Variants in KDM4B observed in about 807,000 individuals in gnomAD.
KDM4B encodes the protein lysine-specific demethylase 4B.
KDM4B carries 32 observed loss-of-function variants against 125.2 expected under a neutral mutation model. The observed-to-expected ratio is 0.26, with a 90% CI of 0.19 to 0.34. KDM4B has a LOEUF of 0.34. Among genes scored for constraint, KDM4B ranks in the 10% least tolerant of loss-of-function variants. The pLI is 1.00. For synonymous variants in KDM4B, 721 were observed against 677.9 expected, an observed-to-expected ratio of 1.06 and a Z score of -0.99; for missense variants, 1,190 against 1,577.7, an observed-to-expected ratio of 0.75 and a Z score of 4.16.
At chr19:5,062,234 G>T (rs528475361) in intron 6 of KDM4B, among the ~76,000 whole-genome samples, 1 of 152,378 alleles carries the variant, frequency 6.6e-6, no homozygotes, top group South Asian at 2.1e-4. Flanking sequence ...CGGGCTGTCT[G>T]TGTGTCCTGG....
intron 5 of KDM4B, among the ~76,000 whole-genome samples, chr19:5,043,245 G>T (rs1425370924): frequency 1.5e-5 from 2 of 131,418 alleles, no homozygotes; most frequent in African/African-American, 5.8e-5. Context: ...TCGGAGTGGG[G>T]TGTCCACCTT....
chr19:5,022,002 A>G (rs2036137344), intron 2 of KDM4B, among the ~76,000 whole-genome samples: 1 of 152,068 alleles, frequency 6.6e-6, no homozygotes, highest in South Asian at 2.1e-4. Flanking sequence ...TAGGCCCCCA[A>G]GCAGGGGCAA....
rs528541542 is a variant in KDM4B at position 5,062,631 on chromosome 19, C to G, written c.627-8379C>G. On this transcript the variant is annotated intron_variant, in intron 6 of 22. Coordinates refer to ENST00000159111, the MANE Select transcript of KDM4B (RefSeq NM_015015.3). ...GAGTGTTCTGTTAATGTTCTTTCTG[C>G]TGTAGAGGAAACCCTCTTTTTGTTG... 3.9e-5 allele frequency among the ~76,000 whole-genome samples: 6 copies of G among 152,126 alleles called. No homozygotes were observed. In the South Asian group the frequency reaches 1.2e-3, roughly 32 times the overall value.
chr19:5,111,928 T>C lies in KDM4B; in HGVS notation c.1115+1110T>C, dbSNP rs994634742. Reference sequence around the variant, plus strand: ...CTCATGATTTTTACATGCTACCAAATACGATAATTTTTCTGTTTTGAGCCA... The same window carrying C: ...CTCATGATTTTTACATGCTACCAAACACGATAATTTTTCTGTTTTGAGCCA... On this transcript the variant is annotated intron_variant, in intron 10 of 22. Transcript: ENST00000159111. The C allele has an allele frequency of 5.1e-5, 36 of 709,078 alleles. No individual in the cohort carries two copies. In the Middle Eastern group the frequency reaches 9.4e-4, roughly 18 times the overall value. The allele number at this position is 709,078 out of a possible 1,614,324, so 43.9% of individuals were successfully genotyped here. A position where few individuals can be genotyped will look rare whatever the true frequency, so the allele number is the denominator to read the frequency against.
rs1220409250 is a variant in KDM4B at position 5,114,377 on chromosome 19, C to A, written c.1115+3559C>A. ...CTCCTGCTCTGCCTTGGCCTGTCGC[C>A]CCTGCGCCAGTGCAGGACACCGCCA... On this transcript the variant is annotated intron_variant, in intron 10 of 22. Transcript: ENST00000159111. This position sits in a 1 kb window ranked among gnomAD's most constrained non-coding sequence, Gnocchi z 5.8. 3.4e-6 allele frequency: 2 copies of A among 585,680 alleles called. No individual in the cohort carries two copies. Among genetic ancestry groups the A allele is most frequent in the East Asian group, 6.7e-5 (1 of 14,858 alleles). The allele number at this position is 585,680 out of a possible 1,614,324, so 36.3% of individuals were successfully genotyped here.
intron 6 of KDM4B, among the ~76,000 whole-genome samples, chr19:5,069,498 C>T (rs1003778557): frequency 2.0e-5 from 3 of 151,576 alleles, no homozygotes; most frequent in East Asian, 2.0e-4. Flanking sequence ...TTCGTAGAGG[C>T]GGGGTTTCAC....
At chr19:5,088,012 CT>C (rs1185300469) in intron 9 of KDM4B, among the ~76,000 whole-genome samples, 27 of 152,330 alleles carry the variant, frequency 1.8e-4, no homozygotes, top group African/African-American at 6.0e-4. Context: ...CAGGAGGTTG[CT>C]TTCCCCTCAG....
At position 5,047,471 on chromosome 19, in the gene KDM4B, CA is replaced by C; in HGVS notation, c.433-4del. ...GGTTGCCGACGCTGCTCTGCCGCCCCACAGGACGTGGCCCAGTGGAACATCG... is the reference window on the plus strand; with the variant it reads ...GGTTGCCGACGCTGCTCTGCCGCCCCCAGGACGTGGCCCAGTGGAACATCG... On this transcript the variant is annotated splice_polypyrimidine_tract_variant and splice_region_variant and intron_variant, in intron 5 of 22. Transcript: ENST00000159111. 1 of 1,598,124 alleles carries C rather than the reference CA, an allele frequency of 6.3e-7. No individual in the cohort carries two copies. The highest frequency in any genetic ancestry group is 8.5e-7 in the Non-Finnish European group (1 of 1,169,808).
chr19:5,008,749 C>T (rs2035638380), intron 1 of KDM4B, among the ~76,000 whole-genome samples: 1 of 151,018 alleles, frequency 6.6e-6, no homozygotes, highest in African/African-American at 2.4e-5. Context: ...TACCACCACA[C>T]TTGGCTAATT....
intron 10 of KDM4B, 64 bp downstream of exon 10, chr19:5,110,882 C>A: frequency 7.3e-7 from 1 of 1,371,124 alleles, no homozygotes; most frequent in Non-Finnish European, 9.7e-7. Flanking sequence ...TGCTGGGTGG[C>A]CCAGGCCCCT....
In KDM4B at chr19:5,110,790, G is replaced by T; in HGVS notation, c.1087G>T (p.Ala363Ser). 1 of 1,597,372 alleles carries T rather than the reference G, an allele frequency of 6.3e-7. No individual in the cohort carries two copies. The highest frequency in any genetic ancestry group is 1.7e-5 in the Admixed American group (1 of 58,222). ...PELSSWSASRASLKAKLLRRS... is the reference protein window; with the variant it reads ...PELSSWSASRSSLKAKLLRRS... ...GCTGAGCTCCTGGAGTGCATCCCGG[G>T]CCTCGCTGAAGGCCAAGCTCCTCCG... The change falls in exon 10 of 23, where the codon GCC (alanine) becomes TCC (serine). Residue 363 changes from alanine (A) to serine (S), a missense_variant. By Grantham distance (99) the Ala-to-Ser change is moderately conservative (BLOSUM62 1). Around this residue, in one of 7 missense-constraint regions of KDM4B, gnomAD observed 428 missense variants for 405.1 expected, o/e 1.06. Transcript: ENST00000159111.
At position 5,143,954 on chromosome 19, in the gene KDM4B, T is replaced by G; in HGVS notation, c.2551-13T>G. Reference sequence around the variant, plus strand: ...CTCGAGCCCCATGCCCCTGCCTGTGTCCCCATCCCCAGAAATGCGTGTACT... The same window carrying G: ...CTCGAGCCCCATGCCCCTGCCTGTGGCCCCATCCCCAGAAATGCGTGTACT... On this transcript the variant is annotated splice_polypyrimidine_tract_variant and intron_variant, in intron 18 of 22. Transcript: ENST00000159111. 6.4e-7 allele frequency: 1 copy of G among 1,569,938 alleles called. No homozygotes were observed. Among genetic ancestry groups the G allele is most frequent in the Non-Finnish European group, 8.7e-7 (1 of 1,149,170 alleles).
At chr19:5,072,431 G>A (rs1455230801) in intron 7 of KDM4B, among the ~76,000 whole-genome samples, 2 of 152,074 alleles carry the variant, frequency 1.3e-5, no homozygotes, top group East Asian at 1.9e-4. Context: ...ATTTTTGAGC[G>A]TTTCTATTGG....
At chr19:5,107,704 A>G (rs564410398) in intron 9 of KDM4B, among the ~76,000 whole-genome samples, 1 of 152,270 alleles carries the variant, frequency 6.6e-6, no homozygotes, top group South Asian at 2.1e-4. Flanking sequence ...GGTGGCTCGC[A>G]GTGGGGGCTG....
At chr19:5,068,934 C>T (rs187427260) in intron 6 of KDM4B, among the ~76,000 whole-genome samples, 4 of 152,342 alleles carry the variant, frequency 2.6e-5, no homozygotes, top group Admixed American at 6.5e-5. Flanking sequence ...GCTGGGGATA[C>T]GGCATTAATC....
intron 3 of KDM4B, among the ~76,000 whole-genome samples, chr19:5,037,569 C>T (rs1028775751): frequency 1.3e-5 from 2 of 152,226 alleles, no homozygotes; most frequent in East Asian, 1.9e-4. Flanking sequence ...AAAGAGCCGG[C>T]GCTAAGCTGG....
chr19:5,031,866 C>T (rs148967098), intron 2 of KDM4B, among the ~76,000 whole-genome samples: 7 of 152,176 alleles, frequency 4.6e-5, no homozygotes, highest in African/African-American at 7.2e-5. Context: ...ACTGTCTGGG[C>T]GGCTCCCTGC....
intron 21 of KDM4B, 126 bp downstream of exon 21, chr19:5,145,028 T>C (rs2039817612): frequency 1.0e-5 from 13 of 1,262,270 alleles, no homozygotes; most frequent in Non-Finnish European, 1.4e-5. Context: ...TGGGCCATGG[T>C]TAGTGAGGCC....
intron 6 of KDM4B, among the ~76,000 whole-genome samples, chr19:5,062,787 T>TG (rs1167903844): frequency 6.7e-6 from 1 of 148,320 alleles, no homozygotes; most frequent in Non-Finnish European, 1.5e-5. Flanking sequence ...TTTTTTTTTT[T>TG]TTTTTTTTTT....
Sources: allele counts gnomAD v4.1 joint callset (sites outside exome capture counted in the v4.1 genomes callset), GRCh38; gene constraint gnomAD v4.1.1; regional missense constraint gnomAD v4.1.1; non-coding constraint Gnocchi (gnomAD v3.1); transcripts MANE v1.5; gene names NCBI Gene and HGNC (gene_info 2026-07-23, HGNC 2026-07-21).